SETD5: variants seen among roughly 807,000 people sequenced by gnomAD.
SETD5 encodes SET domain containing 5.
Under a neutral mutation model 153.3 loss-of-function variants are expected in SETD5, and 44 were observed. The observed-to-expected ratio is 0.29, with a 90% CI of 0.23 to 0.37. The LOEUF is 0.37. SETD5 is among the 10% of genes least tolerant of loss of function. The pLI is 1.00. For missense variants in SETD5, 1,544 were observed against 1,768.0 expected (o/e 0.87, Z 2.27); for synonymous variants, 716 against 645.2 (o/e 1.11, Z -1.66).
chr3:9,476,092 G>T lies in SETD5; in HGVS notation c.*1G>T. On this transcript the variant is annotated 3_prime_UTR_variant, in exon 23 of 23. Transcript: ENST00000402198. ...CAAGACTCAGACGGGACTTTCCTAG[G>T]GCTTCTGGATTTGGGCAAACAGAAC... 1 of 1,611,100 alleles carries T rather than the reference G, an allele frequency of 6.2e-7. No homozygotes were observed. Among genetic ancestry groups the T allele is most frequent in the East Asian group, 2.2e-5 (1 of 44,780 alleles).
At chr3:9,453,310 C>T (rs914539473) in intron 16 of SETD5, among the ~76,000 whole-genome samples, 1 of 152,074 alleles carries the variant, frequency 6.6e-6, no homozygotes, top group African/African-American at 2.4e-5. Flanking sequence ...CCTCTTCACA[C>T]GTCTCTAGCA....
Position 9,476,205 on chromosome 3 carries a change from A to C in SETD5, c.*114A>C. ...AGGAACGGGGGGTACAAGGTGCCAGAGGATTGGGTCTGGTGGACAAGAAAC... is the reference window on the plus strand; with the variant it reads ...AGGAACGGGGGGTACAAGGTGCCAGCGGATTGGGTCTGGTGGACAAGAAAC... On this transcript the variant is annotated 3_prime_UTR_variant, in exon 23 of 23. Coordinates refer to ENST00000402198, the MANE Select transcript of SETD5 (RefSeq NM_001080517.3). 7.2e-7 allele frequency: 1 copy of C among 1,391,648 alleles called. No individual in the cohort carries two copies. The highest frequency in any genetic ancestry group is 9.6e-7 in the Non-Finnish European group (1 of 1,046,442). The allele number at this position is 1,391,648 out of a possible 1,614,324, so 86.2% of individuals were successfully genotyped here.
chr3:9,421,338 A>G (rs562493473), intron 1 of SETD5, among the ~76,000 whole-genome samples: 25 of 151,634 alleles, frequency 1.6e-4, no homozygotes, highest in African/African-American at 4.6e-4. Flanking sequence ...GGGTCTCACT[A>G]TGTTGCCCAG....
At chr3:9,425,564 T>C (rs1575315748) in intron 2 of SETD5, among the ~76,000 whole-genome samples, 1 of 150,890 alleles carries the variant, frequency 6.6e-6, no homozygotes, top group Non-Finnish European at 1.5e-5. Flanking sequence ...GTCTTTTATC[T>C]AGAAACTGTA....
intron 1 of SETD5, among the ~76,000 whole-genome samples, chr3:9,417,497 T>C (rs373570080): frequency 0.023 from 3,228 of 142,368 alleles, 52 homozygotes; most frequent in Middle Eastern, 0.043. Flanking sequence ...TTTTTTTTTT[T>C]CCCCCCGAGA....
rs916590771 is a variant in SETD5, at chr3:9,433,836, T to C, written c.72-9T>C. 14 of 1,613,308 alleles carry C rather than the reference T, an allele frequency of 8.7e-6. No individual in the cohort carries two copies. The highest frequency in any genetic ancestry group is 5.3e-5 in the African/African-American group (4 of 74,914). On this transcript the variant is annotated splice_polypyrimidine_tract_variant and intron_variant, in intron 3 of 22. Transcript: ENST00000402198. ...ATGCTATCATGCATTGCTTTTCGCC[T>C]TTGTGCAGCCCTGAATCTGTGGAGG...
At chr3:9,441,783 C>G (rs1171459025) in intron 9 of SETD5, 42 bp downstream of exon 9, 8 of 1,611,810 alleles carry the variant, frequency 5.0e-6, no homozygotes, top group Non-Finnish European at 6.8e-6. Context: ...TAAGGTGGAC[C>G]TGGTTGACCA....
Position 9,434,875 on chromosome 3 carries a change from C to T in SETD5, c.381C>T (p.Asn127=), listed in dbSNP as rs896753806. 6 of 1,613,386 alleles carry T rather than the reference C, an allele frequency of 3.7e-6. No homozygotes were observed. The East Asian group carries it at 1.3e-4, about 36-fold the overall frequency. Residue 127 remains asparagine, a synonymous_variant, in exon 6 of 23, where the codon AAC becomes AAT. Transcript: ENST00000402198. The surrounding 1 kb of genome is among the most constrained non-coding windows in gnomAD (Gnocchi z 5.6). ...VIRLHRRKQD[N]ISGGDSSATE... is the part of the protein sequence containing the mutation. ...GACTTCATCGGCGGAAGCAGGACAA[C>T]ATATCAGGTGAGCGGAAGATGGGTT...
intron 1 of SETD5, chr3:9,398,255 G>T: frequency 1.5e-5 from 2 of 137,632 alleles, no homozygotes; most frequent in Admixed American, 7.5e-5. Flanking sequence ...CTCCCCCAAC[G>T]CCTCTTCACC....
chr3:9,442,449 AT>A (rs1373939653), intron 10 of SETD5, among the ~76,000 whole-genome samples: 4 of 152,240 alleles, frequency 2.6e-5, no homozygotes, highest in African/African-American at 9.6e-5. Flanking sequence ...GAAGGCAGAA[AT>A]AGAAAAGAGC....
rs372152804 is a variant in SETD5 at position 9,475,615 on chromosome 3, C to A, written c.3853C>A (p.Pro1285Thr). The stretch of plus-strand genomic sequence containing the variant: ...TACTGCACTGAGACCTGGAAACCCC[C>A]CCTCTCACGGTTCTTCAGAATCATC... ...RTTALRPGNPPSHGSSESSLS... is the reference protein window; with the variant it reads ...RTTALRPGNPTSHGSSESSLS... The change falls in exon 23 of 23, where the codon CCC becomes ACC. Residue 1285 changes from proline to threonine, a missense_variant. Pro to Thr is a conservative substitution (Grantham distance 38, BLOSUM62 -1). Around this residue, in one of 9 missense-constraint regions of SETD5, gnomAD observed 302 missense variants for 277.6 expected, o/e 1.09. Coordinates refer to ENST00000402198, the MANE Select transcript of SETD5 (RefSeq NM_001080517.3). 8 of 1,613,842 alleles carry A rather than the reference C, an allele frequency of 5.0e-6. No individual in the cohort carries two copies. Among genetic ancestry groups the A allele is most frequent in the Admixed American group, 3.3e-5 (2 of 59,998 alleles).
intron 17 of SETD5, among the ~76,000 whole-genome samples, chr3:9,461,030 A>G (rs1200204558): frequency 6.6e-6 from 1 of 152,146 alleles, no homozygotes; most frequent in Non-Finnish European, 1.5e-5. Context: ...CAATCAGTAA[A>G]CTGGGAAAAT....
chr3:9,429,172 A>G, intron 3 of SETD5, 163 bp downstream of exon 3: 1 of 404,144 alleles, frequency 2.5e-6, no homozygotes, highest in Non-Finnish European at 4.4e-6. Flanking sequence ...GGTGGTGGAA[A>G]AAAGGAATTA....
At position 9,435,865 on chromosome 3, in the gene SETD5, C is replaced by G. The variant is rs781711203; in HGVS notation, c.526C>G (p.Pro176Ala). 10 of 1,596,886 alleles carry G rather than the reference C, an allele frequency of 6.3e-6. No homozygotes were observed. The African/African-American group carries it at 1.3e-4, about 21-fold the overall frequency. ...RTKPKKRKKS[P>A]EKGRAAPKTK... ...CAAACCCAAGAAGCGGAAAAAGAGT[C>G]CAGAAAAGGGTCGTGCAGCACCAAA... Residue 176 changes from proline to alanine, a missense_variant, in exon 7 of 23, where the codon CCA becomes GCA. Pro to Ala is a conservative substitution (Grantham distance 27, BLOSUM62 -1). Coordinates refer to ENST00000402198, the MANE Select transcript of SETD5 (RefSeq NM_001080517.3).
intron 16 of SETD5, among the ~76,000 whole-genome samples, chr3:9,450,953 TCC>T (rs1476066421): frequency 2.0e-5 from 3 of 152,200 alleles, no homozygotes; most frequent in African/African-American, 7.2e-5. Context: ...TTTTATGATA[TCC>T]CTAGAGTTTC....
intron 18 of SETD5, among the ~76,000 whole-genome samples, chr3:9,465,854 C>T (rs997816789): frequency 6.6e-6 from 1 of 152,132 alleles, no homozygotes; most frequent in Non-Finnish European, 1.5e-5. Context: ...ACTTTGTCTA[C>T]TTGCAATTGA....
chr3:9,402,168 TTTAA>T (rs2034885757), intron 1 of SETD5, among the ~76,000 whole-genome samples: 1 of 152,210 alleles, frequency 6.6e-6, no homozygotes, highest in African/African-American at 2.4e-5. Flanking sequence ...TTATTGTATC[TTTAA>T]TTATGAATTG....
intron 2 of SETD5, among the ~76,000 whole-genome samples, chr3:9,425,063 T>TTTTTTTTTTTTTG (rs1559380421): frequency 3.5e-5 from 5 of 144,632 alleles, no homozygotes; most frequent in African/African-American, 1.3e-4. Flanking sequence ...TTCTTTTTTT[T>TTTTTTTTTTTTTG]TTTTTTTTTT....
intron 2 of SETD5, among the ~76,000 whole-genome samples, chr3:9,426,759 A>G (rs2125014979): frequency 6.6e-6 from 1 of 152,156 alleles, no homozygotes; most frequent in East Asian, 1.9e-4. Flanking sequence ...GCTGGTCTCG[A>G]ACTCCCAAGC....
Sources: gnomAD v4.1 joint callset for allele counts (sites outside exome capture counted in the v4.1 genomes callset) on GRCh38, gnomAD v4.1.1 for gene constraint, gnomAD v4.1.1 regional missense constraint, Gnocchi (gnomAD v3.1) non-coding constraint, MANE v1.5 for transcripts, NCBI Gene and HGNC (gene_info 2026-07-23, HGNC 2026-07-21) for gene names.